KCNK12: variants seen among roughly 807,000 people sequenced by gnomAD.
KCNK12 encodes potassium two pore domain channel subfamily K member 12, also known as potassium channel subfamily K member 12.
Under a neutral mutation model 25.3 loss-of-function variants are expected in KCNK12, and 6 were observed. That is an observed-to-expected ratio of 0.24 (90% confidence interval 0.13 to 0.47). The LOEUF is 0.47. KCNK12 is among the 20% of genes least tolerant of loss of function. The pLI is 0.99. For synonymous variants in KCNK12, 331 were observed against 311.1 expected, an observed-to-expected ratio of 1.06 and a Z score of -0.67; for missense variants, 444 against 661.7, an observed-to-expected ratio of 0.67 and a Z score of 3.61.
In KCNK12 at chr2:47,519,137, G is replaced by A. The variant is rs1472328413; in HGVS notation, c.*1770C>T. On this transcript the variant is annotated 3_prime_UTR_variant, in exon 2 of 2. Transcript: ENST00000327876. ...TTCACTGGCTTCACCCCAGATTAGG[G>A]CCTGTGTTTAAAAACCAATCCCAAC... The A allele has an allele frequency of 2.0e-5, 3 of 152,198 alleles. No individual in the cohort carries two copies. Among genetic ancestry groups the A allele is most frequent in the African/African-American group, 7.2e-5 (3 of 41,442 alleles). The allele number at this position is 152,198 out of a possible 1,614,324, so 9.4% of individuals were successfully genotyped here. A position where few individuals can be genotyped will look rare whatever the true frequency, so the allele number is the denominator to read the frequency against.
Position 47,521,003 on chromosome 2 carries a change from G to T in KCNK12, c.1197C>A (p.Ser399Arg). ...CGTTCTGGCGCGTGTTGACGCACAC[G>T]CTGCGCGGGTAGCCGTTGGCCGTCT... The part of the protein sequence containing the change: ...LSETANGYPR[S>R]VCVNTRQNGF... The change falls in exon 2 of 2, where the codon AGC (serine) becomes AGA (arginine). Residue 399 changes from serine (S) to arginine (R), a missense_variant. Ser to Arg is a moderately radical substitution (Grantham distance 110). Transcript: ENST00000327876. 1 of 1,373,426 alleles carries T rather than the reference G, an allele frequency of 7.3e-7. No individual in the cohort carries two copies. The highest frequency in any genetic ancestry group is 9.4e-7 in the Non-Finnish European group (1 of 1,059,682). The allele number at this position is 1,373,426 out of a possible 1,614,324, so 85.1% of individuals were successfully genotyped here.
Position 47,521,811 on chromosome 2 carries a change from G to A in KCNK12, c.392-3C>T, listed in dbSNP as rs1169706691. The A allele has an allele frequency of 6.6e-7, 1 of 1,515,696 alleles. No homozygotes were observed. The allele number at this position is 1,515,696 out of a possible 1,614,324, so 93.9% of individuals were successfully genotyped here. On this transcript the variant is annotated splice_region_variant and splice_polypyrimidine_tract_variant and intron_variant, in intron 1 of 1. Transcript: ENST00000327876. ...CGCGGGGGTGGTCATGCCGAAACCT[G>A]TGGAGACAGGGCAGGGTCAGCGCGG...
intron 1 of KCNK12, among the ~76,000 whole-genome samples, chr2:47,558,361 G>A (rs1238959258): frequency 6.6e-6 from 1 of 152,230 alleles, no homozygotes. Context: ...ACTGACACAG[G>A]CAAGGACCTC....
rs370615857 is a variant in KCNK12, at chr2:47,570,781, C to G, written c.-450G>C. 3.3e-5 allele frequency: 5 copies of G among 152,718 alleles called. No homozygotes were observed. The East Asian group carries it at 9.7e-4, about 30-fold the overall frequency. The allele number at this position is 152,718 out of a possible 1,614,324, so 9.5% of individuals were successfully genotyped here. A position where few individuals can be genotyped will look rare whatever the true frequency, so the allele number is the denominator to read the frequency against. On this transcript the variant is annotated 5_prime_UTR_variant, in exon 1 of 2. Coordinates refer to ENST00000327876, the MANE Select transcript of KCNK12 (RefSeq NM_022055.2). ...CTAGGACCGGGACGCGGCAGCAAGG[C>G]GTGGAGAGAGCCCCCGGGGGCGTCC...
chr2:47,531,472 A>T (rs963704655), intron 1 of KCNK12, among the ~76,000 whole-genome samples: 1 of 140,434 alleles, frequency 7.1e-6, no homozygotes, highest in African/African-American at 2.6e-5. Flanking sequence ...GACCCTGTTT[A>T]AAAAAAAAAA....
In KCNK12 at chr2:47,521,454, A is replaced by T; in HGVS notation, c.746T>A (p.Phe249Tyr). 1 of 1,612,958 alleles carries T rather than the reference A, an allele frequency of 6.2e-7. No homozygotes were observed. Among genetic ancestry groups the T allele is most frequent in the Non-Finnish European group, 8.5e-7 (1 of 1,179,602 alleles). ...GATGGTGCTGAAGGTGACGAAGCAG[A>T]AGTAGAGCGAGTCCACGTAGTCCCA... Reference protein sequence around the residue: ...EGWDYVDSLYFCFVTFSTIGF... With the variant: ...EGWDYVDSLYYCFVTFSTIGF... Residue 249 changes from phenylalanine (F) to tyrosine (Y), a missense_variant, in exon 2 of 2, where the codon TTC (phenylalanine) becomes TAC (tyrosine). Coordinates refer to ENST00000327876, the MANE Select transcript of KCNK12 (RefSeq NM_022055.2).
At chr2:47,550,378 C>CTTTTTT (rs746872422) in intron 1 of KCNK12, among the ~76,000 whole-genome samples, 14 of 103,174 alleles carry the variant, frequency 1.4e-4, no homozygotes, top group African/African-American at 1.8e-4. Context: ...TATTCACAGA[C>CTTTTTT]TTTTTTTTTT....
Position 47,560,629 on chromosome 2 carries a change from C to T in KCNK12, c.391+9312G>A, listed in dbSNP as rs778723905. On this transcript the variant is annotated intron_variant, in intron 1 of 1. Coordinates refer to ENST00000327876, the MANE Select transcript of KCNK12 (RefSeq NM_022055.2). The surrounding 1 kb of genome is among the most constrained non-coding windows in gnomAD (Gnocchi z 4.7). ...GTGTGATGCCAAGAAAGTTGCTTAA[C>T]CTCTCTGAGCCTGTCATCTGTGAAA... 7.6e-4 allele frequency among the ~76,000 whole-genome samples: 116 copies of T among 152,234 alleles called. 2 individuals carry two copies. The highest frequency in any genetic ancestry group is 1.5e-3 in the Non-Finnish European group (104 of 68,042).
At chr2:47,523,071 C>T (rs1024622196) in intron 1 of KCNK12, among the ~76,000 whole-genome samples, 2 of 152,138 alleles carry the variant, frequency 1.3e-5, no homozygotes, top group African/African-American at 4.8e-5. Flanking sequence ...GAATCCGAGC[C>T]GAACAACTGT....
Position 47,516,013 on chromosome 2 carries a change from C to T in KCNK12, c.*4894G>A, listed in dbSNP as rs1024143727. Among the ~76,000 whole-genome samples, 1 of 152,226 alleles carries T rather than the reference C, an allele frequency of 6.6e-6. No homozygotes were observed. The highest frequency in any genetic ancestry group is 1.9e-4 in the East Asian group (1 of 5,184). The stretch of plus-strand genomic sequence containing the variant: ...AGTTCCTAGCCCCTCACTTATTTCT[C>T]GTAAGACCGCTGGGAGGTGGGGGGA... On this transcript the variant is annotated 3_prime_UTR_variant, in exon 2 of 2. Transcript: ENST00000327876.
At chr2:47,564,399 T>G in intron 1 of KCNK12, 1 of 226,370 alleles carries the variant, frequency 4.4e-6, no homozygotes, top group Non-Finnish European at 8.8e-6. Context: ...GTAAAGATGA[T>G]CACTGTGTCA....
chr2:47,564,131 C>T (rs140424291), intron 1 of KCNK12: 71 of 231,902 alleles, frequency 3.1e-4, no homozygotes, highest in African/African-American at 1.3e-3. Flanking sequence ...GGCAGCTCAC[C>T]TCCTGGAACT....
In KCNK12 at chr2:47,512,937, A is replaced by G. The variant is rs966988339; in HGVS notation, c.*7970T>C. The G allele has an allele frequency of 1.0e-4, 16 of 155,288 alleles. No homozygotes were observed. Among genetic ancestry groups the G allele is most frequent in the African/African-American group, 3.4e-4 (14 of 41,452 alleles). 9.6% of individuals were successfully genotyped at this position (155,288 alleles called of 1,614,324 possible). The stretch of plus-strand genomic sequence containing the variant: ...CCCTCAGTGGCCTGAACATGAGATG[A>G]ACAACACTCTTCTTGGGAGTACCAG... On this transcript the variant is annotated 3_prime_UTR_variant, in exon 2 of 2. Coordinates refer to ENST00000327876, the MANE Select transcript of KCNK12 (RefSeq NM_022055.2).
At chr2:47,536,405 T>A (rs1300156490) in intron 1 of KCNK12, among the ~76,000 whole-genome samples, 2 of 152,228 alleles carry the variant, frequency 1.3e-5, no homozygotes, top group Non-Finnish European at 2.9e-5. Flanking sequence ...CCCTCCAGAA[T>A]GCAGGTCCTC....
In KCNK12 at chr2:47,516,144, C is replaced by G. The variant is rs555671564; in HGVS notation, c.*4763G>C. Among the ~76,000 whole-genome samples, 1 of 152,300 alleles carries G rather than the reference C, an allele frequency of 6.6e-6. No homozygotes were observed. The highest frequency in any genetic ancestry group is 2.1e-4 in the South Asian group (1 of 4,826). Reference sequence around the variant, plus strand: ...AGACCTCCTAGTTTCTAAGTGGACGCTCTTTCTACACCACCATAATGTGAG... The same window carrying G: ...AGACCTCCTAGTTTCTAAGTGGACGGTCTTTCTACACCACCATAATGTGAG... On this transcript the variant is annotated 3_prime_UTR_variant, in exon 2 of 2. Coordinates refer to ENST00000327876, the MANE Select transcript of KCNK12 (RefSeq NM_022055.2).
intron 1 of KCNK12, among the ~76,000 whole-genome samples, chr2:47,539,302 G>A (rs779848198): frequency 6.6e-6 from 1 of 152,216 alleles, no homozygotes; most frequent in African/African-American, 2.4e-5. Context: ...ACTTGAGGGT[G>A]TATCAGTTTG....
intron 1 of KCNK12, among the ~76,000 whole-genome samples, chr2:47,549,794 C>T (rs577830446): frequency 7.9e-5 from 12 of 152,080 alleles, no homozygotes; most frequent in East Asian, 5.8e-4. Flanking sequence ...ATTAGCCAGG[C>T]GCAGTGGCGG....
At chr2:47,545,783 C>T (rs1450299644) in intron 1 of KCNK12, among the ~76,000 whole-genome samples, 1 of 152,190 alleles carries the variant, frequency 6.6e-6, no homozygotes, top group Non-Finnish European at 1.5e-5. Context: ...AGCATGACCA[C>T]CTCAAAATGC....
intron 1 of KCNK12, among the ~76,000 whole-genome samples, chr2:47,523,142 A>AG (rs1291690026): frequency 6.6e-6 from 1 of 152,260 alleles, no homozygotes; most frequent in Admixed American, 6.5e-5. Flanking sequence ...ACACCTGGGC[A>AG]GACAGCCTTG....
Sources: allele counts gnomAD v4.1 joint callset (sites outside exome capture counted in the v4.1 genomes callset), GRCh38; gene constraint gnomAD v4.1.1; non-coding constraint Gnocchi (gnomAD v3.1); transcripts MANE v1.5; gene names NCBI Gene and HGNC (gene_info 2026-07-23, HGNC 2026-07-21).